Variants in TMEM178B observed in about 807,000 individuals in gnomAD.
TMEM178B encodes transmembrane protein 178B.
In TMEM178B, 5 loss-of-function variants were observed where a neutral mutation model predicts 31.0. The ratio of observed to expected loss-of-function variants is 0.16; its 90% confidence interval spans 0.08 to 0.34. The LOEUF (loss-of-function observed/expected upper bound fraction) is 0.34. Among genes scored for constraint, TMEM178B ranks in the 10% least tolerant of loss-of-function variants. The pLI is 1.00. For synonymous variants in TMEM178B, 164 were observed against 164.0 expected, an observed-to-expected ratio of 1.00 and a Z score of 0.00; for missense variants, 275 against 400.3, an observed-to-expected ratio of 0.69 and a Z score of 2.67.
chr7:141,381,214 T>C (rs1800309222), intron 2 of TMEM178B, among the ~76,000 whole-genome samples: 1 of 152,230 alleles, frequency 6.6e-6, no homozygotes, highest in South Asian at 2.1e-4. Flanking sequence ...ATCAAAGTCT[T>C]GTAGTTAATA....
At chr7:141,194,729 G>T (rs529494884) in intron 1 of TMEM178B, among the ~76,000 whole-genome samples, 26 of 152,160 alleles carry the variant, frequency 1.7e-4, no homozygotes, top group Non-Finnish European at 3.7e-4. Context: ...CTCTGTATGG[G>T]GTCTCTGACC....
At chr7:141,305,718 A>T (rs1166194126) in intron 2 of TMEM178B, among the ~76,000 whole-genome samples, 2 of 151,848 alleles carry the variant, frequency 1.3e-5, no homozygotes, top group Non-Finnish European at 2.9e-5. Context: ...TACAGGCATG[A>T]GCCACTGTGC....
chr7:141,341,679 A>G (rs1799518008), intron 2 of TMEM178B, among the ~76,000 whole-genome samples: 1 of 152,150 alleles, frequency 6.6e-6, no homozygotes, highest in Non-Finnish European at 1.5e-5. Flanking sequence ...CTGTCTAGCA[A>G]TTTAGTGATT....
intron 2 of TMEM178B, among the ~76,000 whole-genome samples, chr7:141,253,544 CTTT>C (rs34199017): frequency 1.4e-5 from 1 of 70,032 alleles, no homozygotes; most frequent in African/African-American, 5.5e-5. Flanking sequence ...ATTTTCCCTT[CTTT>C]TTTTTTTTTT....
the TMEM178B span, among the ~76,000 whole-genome samples, chr7:141,501,571 G>A: frequency 6.6e-6 from 1 of 152,172 alleles, no homozygotes. Flanking sequence ...TTTTTTTAAA[G>A]ATGAGGTTAA....
Position 141,480,091 on chromosome 7 carries a change from A to C in TMEM178B, c.*9305A>C, listed in dbSNP as rs1477256204. 1.3e-5 allele frequency: 2 copies of C among 152,086 alleles called. No individual in the cohort carries two copies. The highest frequency in any genetic ancestry group is 2.9e-5 in the Non-Finnish European group (2 of 68,018). 9.4% of individuals were successfully genotyped at this position (152,086 alleles called of 1,614,324 possible). ...AACTATTGTGATGTTCTGAGAGGTA[A>C]ATTTAACAGGGAAGTGGGAGGGGGG... is the stretch of plus-strand genomic sequence containing the variant. On this transcript the variant is annotated 3_prime_UTR_variant, in exon 4 of 4. Coordinates refer to ENST00000565468, the MANE Select transcript of TMEM178B (RefSeq NM_001195278.2).
At chr7:141,407,307 A>T (rs1440009816) in intron 2 of TMEM178B, among the ~76,000 whole-genome samples, 1 of 152,236 alleles carries the variant, frequency 6.6e-6, no homozygotes, top group Non-Finnish European at 1.5e-5. Context: ...GCAACCAAAT[A>T]AAACCAAAAC....
At chr7:141,232,634 A>T (rs978629573) in intron 2 of TMEM178B, among the ~76,000 whole-genome samples, 2 of 152,212 alleles carry the variant, frequency 1.3e-5, no homozygotes, top group African/African-American at 4.8e-5. Flanking sequence ...TCTTAGTTGA[A>T]ATAGAAGTAA....
intron 2 of TMEM178B, among the ~76,000 whole-genome samples, chr7:141,372,214 T>C (rs1800130362): frequency 6.6e-6 from 1 of 152,086 alleles, no homozygotes. Context: ...CAGTCCTCAG[T>C]CCTCCCCTCA....
At chr7:141,235,754 GAGGATACTCCTAATCAT>G (rs1191183736) in intron 2 of TMEM178B, among the ~76,000 whole-genome samples, 1 of 152,224 alleles carries the variant, frequency 6.6e-6, no homozygotes, top group East Asian at 1.9e-4. Flanking sequence ...ACATGATGGA[GAGGATACTCCTAATCAT>G]AGGGCTCATT....
chr7:141,428,385 G>A (rs7457252), intron 2 of TMEM178B, among the ~76,000 whole-genome samples: 79,961 of 106,358 alleles, frequency 0.75, 27,169 homozygotes, highest in Admixed American at 0.79. Flanking sequence ...AAAAAAAAAA[G>A]AAAAAAAGAA....
At chr7:141,430,047 T>C (rs567381517) in intron 2 of TMEM178B, 1 of 152,404 alleles carries the variant, frequency 6.6e-6, no homozygotes, top group Non-Finnish European at 1.5e-5. Flanking sequence ...AAACAGCCTC[T>C]ATAGCCACAG....
At chr7:141,380,870 A>G (rs1800302206) in intron 2 of TMEM178B, among the ~76,000 whole-genome samples, 3 of 152,166 alleles carry the variant, frequency 2.0e-5, no homozygotes, top group Admixed American at 6.5e-5. Flanking sequence ...AGAAGGCTAT[A>G]CCTCTCAGTC....
chr7:141,329,456 T>A (rs1175305903), intron 2 of TMEM178B, among the ~76,000 whole-genome samples: 1 of 152,180 alleles, frequency 6.6e-6, no homozygotes, highest in Non-Finnish European at 1.5e-5. Context: ...AACCACCGTA[T>A]CAAATCATCA....
chr7:141,425,843 A>G (rs1455830001), intron 2 of TMEM178B, among the ~76,000 whole-genome samples: 5 of 152,164 alleles, frequency 3.3e-5, no homozygotes, highest in Admixed American at 6.5e-5. Flanking sequence ...GGTAGGACTG[A>G]GGAGGAGGAA....
chr7:141,214,909 G>A lies in TMEM178B; in HGVS notation c.496+2205G>A, dbSNP rs552102073. Among the ~76,000 whole-genome samples, 68 of 152,244 alleles carry A rather than the reference G, an allele frequency of 4.5e-4. 1 individual carries two copies. In the South Asian group the frequency reaches 0.013, roughly 29 times the overall value. ...TGGGTGAAGTTGAGGCCACCTTTTG[G>A]TGAGGGATTCATCTGCCTCTTTCAC... On this transcript the variant is annotated intron_variant, in intron 2 of 3. Coordinates refer to ENST00000565468, the MANE Select transcript of TMEM178B (RefSeq NM_001195278.2).
intron 1 of TMEM178B, among the ~76,000 whole-genome samples, chr7:141,135,446 A>G (rs10274563): frequency 0.021 from 3,131 of 152,326 alleles, 116 homozygotes; most frequent in African/African-American, 0.071. Context: ...TCATCAGTAC[A>G]TAGAACGTTC....
chr7:141,396,312 C>G (rs1800636902), intron 2 of TMEM178B, among the ~76,000 whole-genome samples: 1 of 152,206 alleles, frequency 6.6e-6, no homozygotes, highest in African/African-American at 2.4e-5. Context: ...TCTGTTTCAA[C>G]ATGTTAAAAG....
intron 3 of TMEM178B, among the ~76,000 whole-genome samples, chr7:141,465,617 TC>T (rs1314896671): frequency 3.9e-5 from 6 of 152,236 alleles, no homozygotes; most frequent in Non-Finnish European, 8.8e-5. Flanking sequence ...CGTTATTCAT[TC>T]AGTCCCTTTA....
Sources: gnomAD v4.1 joint callset for allele counts (sites outside exome capture counted in the v4.1 genomes callset) on GRCh38, gnomAD v4.1.1 for gene constraint, MANE v1.5 for transcripts, NCBI Gene and HGNC (gene_info 2026-07-23, HGNC 2026-07-21) for gene names.